The following TRABD2B variants were observed in gnomAD, a reference collection of about 807,000 sequenced individuals.
TRABD2B encodes TraB domain containing 2B.
In TRABD2B, 14 loss-of-function variants were observed where a neutral mutation model predicts 40.1. The ratio of observed to expected loss-of-function variants is 0.35; its 90% CI spans 0.23 to 0.55. The LOEUF (loss-of-function observed/expected upper bound fraction) is 0.55, where lower values mean the gene tolerates loss of function less well. Ranked by LOEUF, TRABD2B falls within the 20% of genes least tolerant of loss-of-function variation. TRABD2B has a pLI of 0.90. For missense variants in TRABD2B, 541 were observed against 648.6 expected, an observed-to-expected ratio of 0.83 and a Z score of 1.80; for synonymous variants, 263 against 277.0, an observed-to-expected ratio of 0.95 and a Z score of 0.50.
intron 2 of TRABD2B, among the ~76,000 whole-genome samples, chr1:47,923,899 T>G (rs1488164880): frequency 9.0e-6 from 1 of 111,534 alleles, no homozygotes; most frequent in African/African-American, 3.5e-5. Flanking sequence ...TCTCACTCTC[T>G]ACACACATAC....
intron 2 of TRABD2B, among the ~76,000 whole-genome samples, chr1:47,827,972 G>A (rs1264153469): frequency 1.3e-5 from 2 of 152,180 alleles, no homozygotes; most frequent in Non-Finnish European, 2.9e-5. Flanking sequence ...TAAAGGGGTG[G>A]GAGTCCAGCA....
intron 2 of TRABD2B, among the ~76,000 whole-genome samples, chr1:47,869,144 A>G (rs933063057): frequency 2.6e-5 from 4 of 152,038 alleles, no homozygotes; most frequent in African/African-American, 7.3e-5. Flanking sequence ...TGAAGTATTC[A>G]TTTCTCCCAC....
At chr1:47,841,636 G>T (rs1434969717) in intron 2 of TRABD2B, among the ~76,000 whole-genome samples, 1 of 152,164 alleles carries the variant, frequency 6.6e-6, no homozygotes, top group Non-Finnish European at 1.5e-5. Flanking sequence ...AGAAGCCAGG[G>T]GAGGCACAAG....
At chr1:47,829,292 G>GA (rs1223651984) in intron 2 of TRABD2B, among the ~76,000 whole-genome samples, 2 of 152,074 alleles carry the variant, frequency 1.3e-5, no homozygotes, top group African/African-American at 2.4e-5. Flanking sequence ...CCAGTTCCTG[G>GA]AGGGGCTTCA....
At chr1:47,878,651 T>C (rs1054639507) in intron 2 of TRABD2B, among the ~76,000 whole-genome samples, 2 of 152,226 alleles carry the variant, frequency 1.3e-5, no homozygotes, top group African/African-American at 4.8e-5. Flanking sequence ...AAATCTAGAA[T>C]TGAGCTATCT....
chr1:47,945,518 C>T (rs1001061280), intron 2 of TRABD2B, among the ~76,000 whole-genome samples: 13 of 152,046 alleles, frequency 8.6e-5, no homozygotes, highest in African/African-American at 2.7e-4. Flanking sequence ...ATGTAACCAC[C>T]CAAATTGAGA....
At chr1:47,864,360 C>G (rs1570153907) in intron 2 of TRABD2B, among the ~76,000 whole-genome samples, 1 of 152,042 alleles carries the variant, frequency 6.6e-6, no homozygotes, top group East Asian at 1.9e-4. Flanking sequence ...AATGAACCAC[C>G]CTGGTGGGAG....
intron 2 of TRABD2B, among the ~76,000 whole-genome samples, chr1:47,894,940 G>A (rs1473756694): frequency 1.3e-5 from 2 of 152,106 alleles, no homozygotes; most frequent in Non-Finnish European, 2.9e-5. Context: ...AGCTCAGGAG[G>A]AAGAGCTCTG....
At chr1:47,866,611 C>T (rs376934168) in intron 2 of TRABD2B, among the ~76,000 whole-genome samples, 12 of 152,270 alleles carry the variant, frequency 7.9e-5, no homozygotes, top group African/African-American at 2.9e-4. Context: ...ACTTCCCAAA[C>T]CCTTCCTAGT....
At chr1:47,905,814 G>C (rs531872072) in intron 2 of TRABD2B, among the ~76,000 whole-genome samples, 1 of 152,204 alleles carries the variant, frequency 6.6e-6, no homozygotes, top group Admixed American at 6.5e-5. Flanking sequence ...TCACCTCACT[G>C]GCCTCCAATA....
chr1:47,910,246 G>A lies in TRABD2B; in HGVS notation c.666+83788C>T, dbSNP rs987766086. ...TTCTTACTACCTTCATCTTATAGGT[G>A]AGGAAACTGAGGTTTAGAGAGGTTA... is the stretch of plus-strand genomic sequence containing the variant. On this transcript the variant is annotated intron_variant, in intron 2 of 6. Transcript: ENST00000606738. Among the ~76,000 whole-genome samples the A allele has an allele frequency of 9.2e-5, 14 of 152,266 alleles. 1 individual carries two copies. The highest frequency in any genetic ancestry group is 8.5e-4 in the Admixed American group (13 of 15,308).
chr1:47,948,277 G>C (rs1645287967), intron 2 of TRABD2B, among the ~76,000 whole-genome samples: 1 of 150,300 alleles, frequency 6.7e-6, no homozygotes, highest in South Asian at 2.1e-4. Flanking sequence ...GTCCTTTAGG[G>C]GGAGCAGACA....
chr1:47,863,394 A>ATATATATATATATATATATATATATATAT lies in TRABD2B; in HGVS notation c.667-61776_667-61775insATATATATATATATATATATATATATATA, dbSNP rs1396681662. The stretch of plus-strand genomic sequence containing the variant: ...ATTTTATATATATATATATATATAT[A>ATATATATATATATATATATATATATATAT]ATCTCTTAAAACTCAACAATAAGAA... On this transcript the variant is annotated intron_variant, in intron 2 of 6. Transcript: ENST00000606738. Among the ~76,000 whole-genome samples the ATATATATATATATATATATATATATATAT allele has an allele frequency of 2.8e-3, 361 of 130,560 alleles. 2 individuals are homozygous for ATATATATATATATATATATATATATATAT. The highest frequency in any genetic ancestry group is 3.6e-3 in the East Asian group (15 of 4,208). The allele number at this position is 130,560 out of a possible 152,430, so 85.7% of individuals were successfully genotyped here. A position where few individuals can be genotyped will look rare whatever the true frequency, so the allele number is the denominator to read the frequency against.
At chr1:47,780,677 T>C (rs932579955) in intron 4 of TRABD2B, among the ~76,000 whole-genome samples, 3 of 152,058 alleles carry the variant, frequency 2.0e-5, no homozygotes, top group Non-Finnish European at 2.9e-5. Flanking sequence ...GAGGTGAGGA[T>C]AGGAGTGGGT....
chr1:47,865,851 A>G (rs7540600), intron 2 of TRABD2B, among the ~76,000 whole-genome samples: 58,944 of 151,674 alleles, frequency 0.39, 11,738 homozygotes, highest in East Asian at 0.64. Flanking sequence ...GGATGTTACC[A>G]TGCACTCAGT....
chr1:47,959,433 T>C (rs1645476428), intron 2 of TRABD2B, among the ~76,000 whole-genome samples: 1 of 152,216 alleles, frequency 6.6e-6, no homozygotes, highest in East Asian at 1.9e-4. Context: ...GGCTGGTTTT[T>C]TGAAAAGATC....
At chr1:47,954,275 A>G (rs992346478) in intron 2 of TRABD2B, among the ~76,000 whole-genome samples, 1 of 152,152 alleles carries the variant, frequency 6.6e-6, no homozygotes, top group African/African-American at 2.4e-5. Context: ...CTCAAAGGCC[A>G]TGGCTGAACA....
intron 2 of TRABD2B, among the ~76,000 whole-genome samples, chr1:47,928,509 T>C (rs1427331598): frequency 3.3e-5 from 5 of 152,214 alleles, no homozygotes; most frequent in Non-Finnish European, 5.9e-5. Context: ...CCCATGATTA[T>C]TGGGCCCAAG....
intron 2 of TRABD2B, among the ~76,000 whole-genome samples, chr1:47,922,337 A>G (rs1045988696): frequency 6.6e-6 from 1 of 152,188 alleles, no homozygotes; most frequent in Non-Finnish European, 1.5e-5. Flanking sequence ...GTGGGTGACC[A>G]GGGTCAGGGC....
Sources: allele counts gnomAD v4.1 joint callset (sites outside exome capture counted in the v4.1 genomes callset), GRCh38; gene constraint gnomAD v4.1.1; transcripts MANE v1.5; gene names NCBI Gene and HGNC (gene_info 2026-07-23, HGNC 2026-07-21).